RXFP2: variants seen among roughly 807,000 people sequenced by gnomAD.
RXFP2 encodes relaxin receptor 2.
In RXFP2, 68 loss-of-function variants were observed where a neutral mutation model predicts 88.6. That is an observed-to-expected ratio of 0.77 (90% confidence interval 0.63 to 0.94). The LOEUF (loss-of-function observed/expected upper bound fraction) is 0.94. Among genes scored for constraint, RXFP2 ranks in the 40% least tolerant of loss-of-function variants. The pLI is 0.00. For synonymous variants in RXFP2, 329 were observed against 306.8 expected, an observed-to-expected ratio of 1.07 and a Z score of -0.76; for missense variants, 791 against 893.9, an observed-to-expected ratio of 0.88 and a Z score of 1.47.
chr13:31,775,097 A>G (rs1872886344), intron 6 of RXFP2, among the ~76,000 whole-genome samples: 1 of 152,192 alleles, frequency 6.6e-6, no homozygotes, highest in Non-Finnish European at 1.5e-5. Context: ...ACATTTTAGG[A>G]CCACTTTCTC....
At chr13:31,749,967 T>C (rs1871592473) in intron 1 of RXFP2, among the ~76,000 whole-genome samples, 1 of 152,186 alleles carries the variant, frequency 6.6e-6, no homozygotes, top group African/African-American at 2.4e-5. Flanking sequence ...CTCACTCATA[T>C]GCTGTGGGGT....
intron 1 of RXFP2, among the ~76,000 whole-genome samples, chr13:31,752,240 G>A (rs1299942135): frequency 1.3e-5 from 2 of 152,146 alleles, no homozygotes; most frequent in Admixed American, 1.3e-4. Context: ...TCAAACATTA[G>A]GCAGTCATCT....
intron 1 of RXFP2, among the ~76,000 whole-genome samples, chr13:31,740,119 T>A (rs772126715): frequency 9.9e-5 from 15 of 152,136 alleles, no homozygotes; most frequent in Admixed American, 2.6e-4. Context: ...TGCGTGAACA[T>A]AATTAAACTG....
Position 31,753,226 on chromosome 13 carries a change from G to A in RXFP2, c.95-5032G>A, listed in dbSNP as rs113669624. On this transcript the variant is annotated intron_variant, in intron 1 of 17. Transcript: ENST00000298386. The stretch of plus-strand genomic sequence containing the variant: ...GTATATCTCCATCAATTCTTAAACT[G>A]AGGACCTGAAAGATGATTCTCACCT... 1.8e-4 allele frequency among the ~76,000 whole-genome samples: 27 copies of A among 152,274 alleles called. 1 individual carries two copies. The highest frequency in any genetic ancestry group is 5.3e-4 in the African/African-American group (22 of 41,568).
At chr13:31,789,392 T>C (rs1873697289) in intron 14 of RXFP2, among the ~76,000 whole-genome samples, 199 bp downstream of exon 14, 1 of 152,218 alleles carries the variant, frequency 6.6e-6, no homozygotes, top group Admixed American at 6.5e-5. Flanking sequence ...GACCCTTCTC[T>C]CTGGAAACAC....
intron 15 of RXFP2, 52 bp from the exon 16 acceptor site, chr13:31,792,626 A>G: frequency 6.4e-7 from 1 of 1,564,620 alleles, no homozygotes; most frequent in Non-Finnish European, 8.8e-7. Flanking sequence ...TCAGAAAACT[A>G]AAACAGGGAC....
At chr13:31,766,654 C>T (rs1872560810) in intron 5 of RXFP2, among the ~76,000 whole-genome samples, 1 of 152,070 alleles carries the variant, frequency 6.6e-6, no homozygotes, top group African/African-American at 2.4e-5. Flanking sequence ...CCATCAATCC[C>T]CACCACAATT....
intron 5 of RXFP2, among the ~76,000 whole-genome samples, chr13:31,771,109 C>T (rs916680402): frequency 6.6e-6 from 1 of 152,194 alleles, no homozygotes; most frequent in African/African-American, 2.4e-5. Flanking sequence ...CCAGCTAAGG[C>T]ATCTGAATTT....
chr13:31,782,566 A>G, intron 10 of RXFP2, 110 bp from the exon 11 acceptor site: 2 of 807,392 alleles, frequency 2.5e-6, no homozygotes, highest in Non-Finnish European at 2.2e-6. Flanking sequence ...TCCCTTGAAG[A>G]CTTCAAAGGA....
intron 15 of RXFP2, among the ~76,000 whole-genome samples, chr13:31,792,448 C>T (rs190781369): frequency 3.3e-5 from 5 of 151,982 alleles, no homozygotes; most frequent in East Asian, 1.9e-4. Flanking sequence ...ATTCCCATTC[C>T]GATTTTTTTA....
intron 7 of RXFP2, among the ~76,000 whole-genome samples, chr13:31,776,683 T>C (rs757636983): frequency 7.2e-5 from 11 of 152,300 alleles, no homozygotes; most frequent in Non-Finnish European, 1.3e-4. Flanking sequence ...GCAAAGCTCC[T>C]GGCATATAGT....
At chr13:31,768,096 GA>G (rs1316974539) in intron 5 of RXFP2, among the ~76,000 whole-genome samples, 1 of 152,100 alleles carries the variant, frequency 6.6e-6, no homozygotes, top group Admixed American at 6.5e-5. Context: ...TTTTCCTAGT[GA>G]AAAAAGATAG....
chr13:31,774,153 G>A (rs1042114420), intron 5 of RXFP2, among the ~76,000 whole-genome samples: 1 of 152,128 alleles, frequency 6.6e-6, no homozygotes, highest in Admixed American at 6.5e-5. Context: ...TTCTCACTTT[G>A]CATCATGAAA....
rs926656791 is a variant in RXFP2 at position 31,774,515 on chromosome 13, C to T, written c.498-105C>T. On this transcript the variant is annotated intron_variant, in intron 5 of 17. Transcript: ENST00000298386. The stretch of plus-strand genomic sequence containing the variant: ...AACATGAGAATAGGACTTCGTACTT[C>T]AATTTCACAATTGTCTTCAGGTAAA... 5.7e-5 allele frequency: 43 copies of T among 755,160 alleles called. No individual in the cohort carries two copies. The Admixed American group carries it at 6.4e-4, about 11-fold the overall frequency. The allele number at this position is 755,160 out of a possible 1,614,324, so 46.8% of individuals were successfully genotyped here.
chr13:31,796,556 T>C (rs1467953963), intron 16 of RXFP2, among the ~76,000 whole-genome samples: 4 of 152,224 alleles, frequency 2.6e-5, no homozygotes, highest in Non-Finnish European at 5.9e-5. Context: ...TAGCTTCTTT[T>C]CATGCTTTAA....
chr13:31,752,058 G>A (rs1237565161), intron 1 of RXFP2, among the ~76,000 whole-genome samples: 1 of 152,180 alleles, frequency 6.6e-6, no homozygotes, highest in Admixed American at 6.5e-5. Context: ...ACAGCATTCT[G>A]TTTGTGACCC....
chr13:31,788,728 T>G (rs1466804811), intron 13 of RXFP2, among the ~76,000 whole-genome samples: 2 of 152,124 alleles, frequency 1.3e-5, no homozygotes, highest in Non-Finnish European at 2.9e-5. Flanking sequence ...ATCCAGATTC[T>G]CACAAAACTC....
chr13:31,778,451 A>G lies in RXFP2; in HGVS notation c.714-61A>G. ...AAGTTTTGAAATTTTAAAATAATAA[A>G]AAGACTGTCCTAAAAGTGTCATATC... is the stretch of plus-strand genomic sequence containing the variant. On this transcript the variant is annotated intron_variant, in intron 8 of 17. Transcript: ENST00000298386. The G allele has an allele frequency of 6.9e-6, 8 of 1,160,156 alleles. No individual in the cohort carries two copies. In the South Asian group the frequency reaches 7.7e-5, roughly 11 times the overall value. 71.9% of individuals were successfully genotyped at this position (1,160,156 alleles called of 1,614,324 possible).
At chr13:31,768,561 G>T (rs549622375) in intron 5 of RXFP2, among the ~76,000 whole-genome samples, 1 of 152,222 alleles carries the variant, frequency 6.6e-6, no homozygotes, top group South Asian at 2.1e-4. Context: ...ATAGAGATTG[G>T]CCTCAAACCC....
Sources: gnomAD v4.1 joint callset for allele counts (sites outside exome capture counted in the v4.1 genomes callset) on GRCh38, gnomAD v4.1.1 for gene constraint, MANE v1.5 for transcripts, NCBI Gene and HGNC (gene_info 2026-07-23, HGNC 2026-07-21) for gene names.